Variants in MYO3B observed in about 807,000 individuals in gnomAD.
The protein encoded by MYO3B is myosin IIIB.
In MYO3B, 156 loss-of-function variants were observed where a neutral mutation model predicts 174.6. The observed-to-expected ratio is 0.89, with a 90% confidence interval of 0.78 to 1.02. MYO3B has a LOEUF of 1.02. Ranked by LOEUF, MYO3B falls within the 50% of genes least tolerant of loss-of-function variation. MYO3B has a pLI of 0.00. For synonymous variants in MYO3B, 563 were observed against 569.1 expected (o/e 0.99, Z 0.15); for missense variants, 1,632 against 1,639.4 (o/e 1.00, Z 0.08).
chr2:170,217,360 A>T lies in MYO3B; in HGVS notation c.568A>T (p.Thr190Ser). The T allele has an allele frequency of 6.2e-7, 1 of 1,614,130 alleles. No homozygotes were observed. The highest frequency in any genetic ancestry group is 8.5e-7 in the Non-Finnish European group (1 of 1,179,960). ...CACCAGTACACGTCTGCGGAGAAAC[A>T]CATCTGTTGGCACCCCGTTCTGGAT... ...QLTSTRLRRN[T>S]SVGTPFWMAP... is the part of the protein sequence containing the mutation. Residue 190 changes from threonine (T) to serine (S), a missense_variant, in exon 6 of 35, where the codon ACA becomes TCA. Coordinates refer to ENST00000408978, the MANE Select transcript of MYO3B (RefSeq NM_138995.5).
chr2:170,191,598 T>C (rs780707875), intron 1 of MYO3B, among the ~76,000 whole-genome samples: 2 of 152,154 alleles, frequency 1.3e-5, no homozygotes, highest in Non-Finnish European at 2.9e-5. Context: ...TACTTTCTAC[T>C]GTGACAGGGC....
intron 33 of MYO3B, 87 bp downstream of exon 33, chr2:170,651,821 G>GGGGGCCCCCCCCCCCCCCCCCCCC: frequency 9.2e-7 from 1 of 1,089,328 alleles, no homozygotes; most frequent in African/African-American, 1.6e-5. Context: ...AGCCCCTGCA[G>GGGGGCCCCCCCCCCCCCCCCCCCC]CCCCACCCCC....
chr2:170,338,466 A>G (rs1034166573), intron 8 of MYO3B, among the ~76,000 whole-genome samples: 1 of 152,150 alleles, frequency 6.6e-6, no homozygotes, highest in African/African-American at 2.4e-5. Context: ...CTGTTTTCCC[A>G]TAACATCTTA....
At chr2:170,591,119 A>G (rs1022650050) in intron 32 of MYO3B, among the ~76,000 whole-genome samples, 3 of 152,288 alleles carry the variant, frequency 2.0e-5, no homozygotes, top group East Asian at 1.9e-4. Context: ...ATTTTTCCCA[A>G]TTGCCTCAGG....
chr2:170,320,062 T>A (rs2093813292), intron 7 of MYO3B, among the ~76,000 whole-genome samples: 1 of 152,292 alleles, frequency 6.6e-6, no homozygotes, highest in African/African-American at 2.4e-5. Context: ...GTAACTGAAG[T>A]CCACAGTAAG....
intron 14 of MYO3B, among the ~76,000 whole-genome samples, chr2:170,389,361 T>G (rs1354787477): frequency 6.6e-6 from 1 of 152,154 alleles, no homozygotes; most frequent in Non-Finnish European, 1.5e-5. Flanking sequence ...CAGTGTAAGA[T>G]GGGGGCTGCT....
intron 27 of MYO3B, among the ~76,000 whole-genome samples, chr2:170,500,529 C>T (rs1374520842): frequency 3.9e-5 from 6 of 152,138 alleles, no homozygotes; most frequent in African/African-American, 1.4e-4. Context: ...TTGCTGCTAC[C>T]CAGGTGCTCT....
At chr2:170,308,909 G>A (rs191954037) in intron 7 of MYO3B, among the ~76,000 whole-genome samples, 3 of 152,158 alleles carry the variant, frequency 2.0e-5, no homozygotes. Context: ...ACATGTAGGT[G>A]TAAAATTAAA....
intron 9 of MYO3B, among the ~76,000 whole-genome samples, chr2:170,376,212 A>G (rs2094291829): frequency 6.6e-6 from 1 of 152,196 alleles, no homozygotes; most frequent in Admixed American, 6.5e-5. Flanking sequence ...CAGCTCATGT[A>G]GTTAAAGGTA....
chr2:170,651,988 A>C, intron 33 of MYO3B, 120 bp from the exon 34 acceptor site: 2 of 1,050,590 alleles, frequency 1.9e-6, no homozygotes, highest in South Asian at 1.5e-5. Flanking sequence ...ATCAAAAAAA[A>C]TTATGCTGTG....
intron 5 of MYO3B, among the ~76,000 whole-genome samples, chr2:170,217,038 G>T (rs1488817631): frequency 6.7e-6 from 1 of 149,120 alleles, no homozygotes; most frequent in Non-Finnish European, 1.5e-5. Context: ...TAAATGATTG[G>T]AAAAAAAAAA....
At chr2:170,554,063 G>A (rs183126421) in intron 32 of MYO3B, among the ~76,000 whole-genome samples, 50 of 152,214 alleles carry the variant, frequency 3.3e-4, no homozygotes, top group East Asian at 5.8e-4. Flanking sequence ...ATAAACTACC[G>A]AGTCTTGGGT....
At chr2:170,269,063 C>A (rs3845734) in intron 7 of MYO3B, among the ~76,000 whole-genome samples, 135,920 of 152,208 alleles carry the variant, frequency 0.89, 61,927 homozygotes, top group East Asian at 0.98. Context: ...GCCCGAGTGA[C>A]GGTAAGATGC....
At chr2:170,507,304 A>G (rs1575090887) in intron 28 of MYO3B, among the ~76,000 whole-genome samples, 1 of 152,272 alleles carries the variant, frequency 6.6e-6, no homozygotes, top group East Asian at 1.9e-4. Context: ...GATGCCCTTC[A>G]GTCCTAGGCG....
chr2:170,200,378 T>G, intron 3 of MYO3B, 94 bp downstream of exon 3: 1 of 1,423,356 alleles, frequency 7.0e-7, no homozygotes, highest in Non-Finnish European at 9.4e-7. Context: ...AGGTACACAT[T>G]TGAGGAGTAG....
chr2:170,638,952 AG>A (rs1697745908), intron 32 of MYO3B, among the ~76,000 whole-genome samples: 1 of 152,152 alleles, frequency 6.6e-6, no homozygotes, highest in Non-Finnish European at 1.5e-5. Flanking sequence ...GTTTTGCTAC[AG>A]CTGACCAGCC....
At chr2:170,261,974 G>A (rs1188723767) in intron 7 of MYO3B, among the ~76,000 whole-genome samples, 5 of 152,324 alleles carry the variant, frequency 3.3e-5, no homozygotes, top group Middle Eastern at 3.4e-3. Context: ...TCAAAGCTGG[G>A]GAGATGTAGT....
At chr2:170,609,874 G>A (rs755843212) in intron 32 of MYO3B, among the ~76,000 whole-genome samples, 2 of 152,236 alleles carry the variant, frequency 1.3e-5, no homozygotes, top group Non-Finnish European at 2.9e-5. Context: ...ATCACTCTGG[G>A]TGGGGAAAGG....
chr2:170,639,283 T>C (rs939335303), intron 32 of MYO3B, among the ~76,000 whole-genome samples: 15 of 152,170 alleles, frequency 9.9e-5, no homozygotes, highest in Non-Finnish European at 1.9e-4. Context: ...GCATTGTGGG[T>C]CCCTAAGCAT....
Sources: gnomAD v4.1 joint callset for allele counts (sites outside exome capture counted in the v4.1 genomes callset) on GRCh38, gnomAD v4.1.1 for gene constraint, MANE v1.5 for transcripts, NCBI Gene and HGNC (gene_info 2026-07-23, HGNC 2026-07-21) for gene names.